The following TENM1 variants were observed in gnomAD, a reference collection of about 807,000 sequenced individuals.
TENM1 encodes the protein teneurin-1.
In TENM1, 35 loss-of-function variants were observed where a neutral mutation model predicts 174.8. That is an observed-to-expected ratio of 0.20 (90% CI 0.15 to 0.27). The LOEUF is 0.27. Among genes scored for constraint, TENM1 ranks in the 10% least tolerant of loss-of-function variants. The pLI is 1.00. For synonymous variants in TENM1, 781 were observed against 798.7 expected, an observed-to-expected ratio of 0.98 and a Z score of 0.37; for missense variants, 1,633 against 2,130.1, an observed-to-expected ratio of 0.77 and a Z score of 4.59.
At chrX:124,625,847 C>T (rs1321575442) in intron 11 of TENM1, among the ~76,000 whole-genome samples, 7 of 110,758 alleles carry the variant, frequency 6.3e-5, no homozygotes, top group Non-Finnish European at 1.3e-4. Context: ...AGAGAAGCTC[C>T]ATCAACCAGG....
the TENM1 span, among the ~76,000 whole-genome samples, chrX:125,090,440 G>A: frequency 9.3e-6 from 1 of 107,873 alleles, no homozygotes; most frequent in Non-Finnish European, 1.9e-5. Flanking sequence ...GAGGCCAGGA[G>A]TTCGAGACCA....
intron 3 of TENM1, among the ~76,000 whole-genome samples, chrX:124,872,228 A>C (rs1048551461): frequency 9.0e-6 from 1 of 110,898 alleles, no homozygotes. Context: ...GTCCATGTTT[A>C]GCACTAGTAA....
At chrX:125,119,181 G>T in the TENM1 span, among the ~76,000 whole-genome samples, 30 of 111,410 alleles carry the variant, frequency 2.7e-4, no homozygotes, top group African/African-American at 9.8e-4. Context: ...AAGTAGAAAG[G>T]ACACTACAAC....
the TENM1 span, among the ~76,000 whole-genome samples, chrX:125,032,585 CAGTCTTGCT>C: frequency 9.0e-6 from 1 of 111,432 alleles, no homozygotes; most frequent in East Asian, 2.8e-4. Context: ...CAGCTGTCTA[CAGTCTTGCT>C]TACTACTACC....
intron 3 of TENM1, among the ~76,000 whole-genome samples, chrX:124,811,472 C>T (rs1184523792): frequency 9.0e-6 from 1 of 111,488 alleles, no homozygotes; most frequent in Non-Finnish European, 1.9e-5. Flanking sequence ...GATATCACCT[C>T]ACTCCTGTTA....
At chrX:124,948,024 G>A (rs2058427917) in intron 1 of TENM1, among the ~76,000 whole-genome samples, 1 of 111,833 alleles carries the variant, frequency 8.9e-6, no homozygotes. Flanking sequence ...AATAGAATCT[G>A]CCTCCCATAA....
At chrX:124,628,482 AAT>A (rs2050687136) in intron 11 of TENM1, among the ~76,000 whole-genome samples, 1 of 111,509 alleles carries the variant, frequency 9.0e-6, no homozygotes, top group African/African-American at 3.2e-5. Context: ...TATTTAGCCC[AAT>A]ATATCCAAAA....
At chrX:125,092,820 T>C in the TENM1 span, among the ~76,000 whole-genome samples, 1 of 112,441 alleles carries the variant, frequency 8.9e-6, no homozygotes, top group Non-Finnish European at 1.9e-5. Context: ...CGATGAATGG[T>C]AAGCGTTTTC....
chrX:124,568,454 T>A (rs1208271833), intron 11 of TENM1, among the ~76,000 whole-genome samples: 5 of 111,683 alleles, frequency 4.5e-5, no homozygotes, highest in African/African-American at 1.6e-4. Flanking sequence ...AATCTGGAGC[T>A]AGGAAACAAT....
At chrX:124,477,741 C>A (rs1161453904) in intron 22 of TENM1, among the ~76,000 whole-genome samples, 1 of 77,779 alleles carries the variant, frequency 1.3e-5, no homozygotes, top group Non-Finnish European at 2.3e-5. Flanking sequence ...GACAGCGAGA[C>A]TTCGTCTCAA....
At chrX:124,886,522 CATATATATAT>C (rs3056632) in intron 3 of TENM1, among the ~76,000 whole-genome samples, 73 of 74,921 alleles carry the variant, frequency 9.7e-4, no homozygotes, top group African/African-American at 3.6e-3. Flanking sequence ...AAAACATATA[CATATATATAT>C]ATATATATAT....
At chrX:125,085,553 A>G in the TENM1 span, among the ~76,000 whole-genome samples, 1 of 111,118 alleles carries the variant, frequency 9.0e-6, no homozygotes, top group Non-Finnish European at 1.9e-5. Context: ...GTCTCACAAC[A>G]CCTTCACAAA....
chrX:124,768,511 T>G (rs1221982176), intron 3 of TENM1, among the ~76,000 whole-genome samples: 1 of 112,041 alleles, frequency 8.9e-6, no homozygotes, highest in African/African-American at 3.2e-5. Context: ...AATAAATGAC[T>G]TATTATTAAA....
chrX:125,168,023 ATGTG>A, the TENM1 span, among the ~76,000 whole-genome samples: 7 of 110,922 alleles, frequency 6.3e-5, no homozygotes, highest in East Asian at 2.0e-3. Context: ...GTGTGTGTGT[ATGTG>A]TGTGTGTGTC....
chrX:124,753,626 T>G lies in TENM1; in HGVS notation c.536-16429A>C, dbSNP rs1337351705. 2.7e-5 allele frequency among the ~76,000 whole-genome samples: 3 copies of G among 109,441 alleles called. No individual in the cohort carries two copies. In the Admixed American group the frequency reaches 3.0e-4, roughly 11 times the overall value. On this transcript the variant is annotated intron_variant, in intron 3 of 31. Transcript: ENST00000422452. ...TTCAGTATGATATTGGCTGTGGGTT[T>G]GTCATAGATAGCTCTTATTATTTTG...
At chrX:124,848,761 C>CTGTCTATG (rs1029148691) in intron 3 of TENM1, among the ~76,000 whole-genome samples, 1 of 110,764 alleles carries the variant, frequency 9.0e-6, no homozygotes, top group Admixed American at 9.7e-5. Flanking sequence ...GCAGATCTAT[C>CTGTCTATG]TATACTGTCA....
At chrX:124,546,041 C>G (rs1457388894) in intron 15 of TENM1, among the ~76,000 whole-genome samples, 1 of 111,705 alleles carries the variant, frequency 9.0e-6, no homozygotes, top group Non-Finnish European at 1.9e-5. Context: ...TCACTGATAT[C>G]AATATAAACT....
intron 20 of TENM1, among the ~76,000 whole-genome samples, chrX:124,487,454 T>C (rs1200456630): frequency 8.9e-6 from 1 of 112,172 alleles, no homozygotes; most frequent in Non-Finnish European, 1.9e-5. Context: ...ATATTTTGTT[T>C]GGTGGATGCG....
the TENM1 span, among the ~76,000 whole-genome samples, chrX:125,190,679 T>C: frequency 1.4e-3 from 160 of 111,721 alleles, 3 homozygotes; most frequent in Non-Finnish European, 2.7e-3. Context: ...TTATTATCTT[T>C]GTTTATTTGT....
Sources: gnomAD v4.1 joint callset for allele counts (sites outside exome capture counted in the v4.1 genomes callset) on GRCh38, gnomAD v4.1.1 for gene constraint, MANE v1.5 for transcripts, NCBI Gene and HGNC (gene_info 2026-07-23, HGNC 2026-07-21) for gene names.